Variants in NTRK3 observed in about 807,000 individuals in gnomAD.
NTRK3 encodes the protein neurotrophic receptor tyrosine kinase 3.
NTRK3 carries 24 observed loss-of-function variants against 91.7 expected under a neutral mutation model. That is an observed-to-expected ratio of 0.26 (90% CI 0.19 to 0.37). NTRK3 has a LOEUF of 0.37. NTRK3 is among the 10% of genes least tolerant of loss of function. The pLI, the probability that NTRK3 is intolerant of heterozygous loss-of-function variation, is 1.00. For missense variants in NTRK3, 880 were observed against 1,068.9 expected (o/e 0.82, Z 2.46); for synonymous variants, 483 against 404.0 (o/e 1.20, Z -2.34).
At chr15:88,004,059 C>T (rs8030107) in intron 14 of NTRK3, among the ~76,000 whole-genome samples, 82,520 of 151,968 alleles carry the variant, frequency 0.54, 25,015 homozygotes, top group African/African-American at 0.83. Flanking sequence ...TGGGGTACTT[C>T]TGTTTGCTGT....
chr15:87,904,440 G>A (rs1052011411), intron 17 of NTRK3, among the ~76,000 whole-genome samples: 4 of 152,166 alleles, frequency 2.6e-5, no homozygotes, highest in Non-Finnish European at 5.9e-5. Context: ...ACAGGCGTGA[G>A]CCACCACGCC....
chr15:88,124,001 G>C (rs1482895257), intron 13 of NTRK3, among the ~76,000 whole-genome samples: 1 of 152,166 alleles, frequency 6.6e-6, no homozygotes, highest in African/African-American at 2.4e-5. Context: ...AGTTTTTCAG[G>C]TTAACTTTGG....
rs60620542 is a variant in NTRK3, at chr15:88,212,700, TCACACACACACACACA to T, written c.249-28417_249-28402del. ...CATGGAAGCTGTTTTGGCTGCTGCA[TCACACACACACACACA>T]CACACACACACACACACACACACAC... is the stretch of plus-strand genomic sequence containing the variant. On this transcript the variant is annotated intron_variant, in intron 3 of 18. Coordinates refer to ENST00000394480, the Ensembl canonical transcript of NTRK3. Among the ~76,000 whole-genome samples, 1,203 of 146,180 alleles carry T rather than the reference TCACACACACACACACA, an allele frequency of 8.2e-3. 27 individuals carry two copies. Among genetic ancestry groups the T allele is most frequent in the African/African-American group, 0.03 (1,157 of 38,230 alleles).
chr15:88,040,493 G>A (rs921408068), intron 13 of NTRK3, among the ~76,000 whole-genome samples: 1 of 152,190 alleles, frequency 6.6e-6, no homozygotes, highest in Non-Finnish European at 1.5e-5. Context: ...GCCTCCCAGG[G>A]AATACACTGA....
At chr15:88,019,945 A>T (rs189830378) in intron 14 of NTRK3, among the ~76,000 whole-genome samples, 56 of 152,368 alleles carry the variant, frequency 3.7e-4, no homozygotes, top group Non-Finnish European at 6.9e-4. Flanking sequence ...AGACTCAGAC[A>T]TATGTACATT....
intron 14 of NTRK3, among the ~76,000 whole-genome samples, chr15:87,946,455 G>A (rs998582012): frequency 6.6e-6 from 1 of 152,204 alleles, no homozygotes; most frequent in African/African-American, 2.4e-5. Context: ...TGCCTTAAAA[G>A]AAACTTGTTT....
intron 13 of NTRK3, chr15:88,099,165 G>A (rs989017802): frequency 4.8e-5 from 11 of 230,936 alleles, no homozygotes; most frequent in Non-Finnish European, 8.6e-5. Context: ...AGAGGCTCCA[G>A]GGAGGTGACC....
At chr15:88,029,394 A>G (rs2078327485) in intron 14 of NTRK3, among the ~76,000 whole-genome samples, 1 of 152,244 alleles carries the variant, frequency 6.6e-6, no homozygotes, top group African/African-American at 2.4e-5. Context: ...CCAGATTGAA[A>G]GCAGATAGAA....
At chr15:88,037,560 T>G (rs919573212) in intron 13 of NTRK3, among the ~76,000 whole-genome samples, 3 of 152,072 alleles carry the variant, frequency 2.0e-5, no homozygotes, top group East Asian at 1.9e-4. Context: ...AGACTCCCTC[T>G]CAAAAGAAAG....
chr15:87,905,979 C>A (rs1013340681), intron 17 of NTRK3, among the ~76,000 whole-genome samples: 1 of 152,200 alleles, frequency 6.6e-6, no homozygotes, highest in Non-Finnish European at 1.5e-5. Context: ...ACCACCCCAA[C>A]ACATCTACTG....
chr15:88,175,778 G>T (rs762491810), intron 5 of NTRK3, among the ~76,000 whole-genome samples: 7 of 152,140 alleles, frequency 4.6e-5, no homozygotes, highest in Non-Finnish European at 1.0e-4. Flanking sequence ...TCCAAATGAG[G>T]AGATTAAGGC....
intron 14 of NTRK3, among the ~76,000 whole-genome samples, chr15:88,010,480 C>T (rs1281064533): frequency 6.6e-6 from 1 of 151,796 alleles, no homozygotes. Flanking sequence ...AGTTCTTTTT[C>T]CAAGCTTTTT....
At chr15:88,107,921 T>C (rs778582298) in intron 13 of NTRK3, among the ~76,000 whole-genome samples, 9 of 151,808 alleles carry the variant, frequency 5.9e-5, no homozygotes, top group Non-Finnish European at 1.2e-4. Context: ...GATATCCCAA[T>C]GGCAGGCAAG....
At chr15:87,915,667 G>A (rs929360099) in intron 17 of NTRK3, among the ~76,000 whole-genome samples, 1 of 152,006 alleles carries the variant, frequency 6.6e-6, no homozygotes, top group African/African-American at 2.4e-5. Context: ...TCCATCATAG[G>A]GAAAACCTTG....
At chr15:87,891,988 C>A (rs1481350660) in intron 17 of NTRK3, among the ~76,000 whole-genome samples, 1 of 151,944 alleles carries the variant, frequency 6.6e-6, no homozygotes, top group African/African-American at 2.4e-5. Context: ...TTTTGAGGGA[C>A]TTTGCAGATG....
chr15:88,148,678 T>C (rs2043102895), intron 5 of NTRK3, among the ~76,000 whole-genome samples: 1 of 152,118 alleles, frequency 6.6e-6, no homozygotes, highest in African/African-American at 2.4e-5. Flanking sequence ...TTGGATTTGA[T>C]ATTAAAGAGT....
intron 14 of NTRK3, among the ~76,000 whole-genome samples, chr15:88,015,383 AG>A (rs1030906036): frequency 6.6e-6 from 1 of 152,022 alleles, no homozygotes; most frequent in Non-Finnish European, 1.5e-5. Flanking sequence ...ACTCACCTCC[AG>A]CCCTGCCCCC....
At chr15:88,058,310 C>T (rs1211357509) in intron 13 of NTRK3, among the ~76,000 whole-genome samples, 1 of 152,122 alleles carries the variant, frequency 6.6e-6, no homozygotes, top group African/African-American at 2.4e-5. Context: ...GGTTACTTAA[C>T]GTCTCTCAGT....
intron 17 of NTRK3, among the ~76,000 whole-genome samples, chr15:87,925,387 T>A (rs1480789057): frequency 6.6e-6 from 1 of 151,934 alleles, no homozygotes; most frequent in Non-Finnish European, 1.5e-5. Flanking sequence ...TCTCTCCCCA[T>A]GCCCTTATAT....
Sources: gnomAD v4.1 joint callset for allele counts (sites outside exome capture counted in the v4.1 genomes callset) on GRCh38, gnomAD v4.1.1 for gene constraint, MANE v1.5 for transcripts, NCBI Gene and HGNC (gene_info 2026-07-23, HGNC 2026-07-21) for gene names.